CORO2B: variants seen among roughly 807,000 people sequenced by gnomAD.
CORO2B encodes coronin-2B.
In CORO2B, 26 loss-of-function variants were observed where a neutral mutation model predicts 58.8. The ratio of observed to expected loss-of-function variants is 0.44; its 90% confidence interval spans 0.32 to 0.61. The LOEUF (loss-of-function observed/expected upper bound fraction) is 0.61. Among genes scored for constraint, CORO2B ranks in the 20% least tolerant of loss-of-function variants. The probability of loss-of-function intolerance (pLI) is 0.04; values close to 1 mark genes in which losing one functional copy is unlikely to be tolerated. For synonymous variants in CORO2B, 242 were observed against 253.8 expected, an observed-to-expected ratio of 0.95 and a Z score of 0.44; for missense variants, 460 against 645.1, an observed-to-expected ratio of 0.71 and a Z score of 3.11.
chr15:68,635,451 G>A (rs1395503008), intron 1 of CORO2B, among the ~76,000 whole-genome samples: 1 of 152,194 alleles, frequency 6.6e-6, no homozygotes, highest in Non-Finnish European at 1.5e-5. Flanking sequence ...TTCTGCCACC[G>A]CCTGCCCAGA....
At chr15:68,561,118 C>G in the CORO2B span, among the ~76,000 whole-genome samples, 2 of 152,158 alleles carry the variant, frequency 1.3e-5, no homozygotes, top group African/African-American at 4.8e-5. Context: ...CTTTGCCTCT[C>G]AATACTGGTT....
At position 68,714,546 on chromosome 15, in the gene CORO2B, T is replaced by C; in HGVS notation, c.766-13T>C. On this transcript the variant is annotated splice_polypyrimidine_tract_variant and intron_variant, in intron 6 of 11. Coordinates refer to ENST00000261861, the MANE Select transcript of CORO2B (RefSeq NM_006091.5). ...TGCCTGCAGAGAGGCTGAGACCAGCTCTTCTCCCTCAGGAGGACCTCTCCA... is the reference window on the plus strand; with the variant it reads ...TGCCTGCAGAGAGGCTGAGACCAGCCCTTCTCCCTCAGGAGGACCTCTCCA... The C allele has an allele frequency of 6.2e-7, 1 of 1,607,408 alleles. No individual in the cohort carries two copies. Among genetic ancestry groups the C allele is most frequent in the Non-Finnish European group, 8.5e-7 (1 of 1,174,040 alleles).
intron 2 of CORO2B, among the ~76,000 whole-genome samples, chr15:68,672,435 C>T (rs1902434418): frequency 6.6e-6 from 1 of 151,816 alleles, no homozygotes; most frequent in Admixed American, 6.6e-5. Context: ...ATGTGCACCA[C>T]CATGCCTGGC....
the CORO2B span, among the ~76,000 whole-genome samples, chr15:68,570,483 C>T: frequency 0.055 from 8,344 of 152,242 alleles, 730 homozygotes; most frequent in African/African-American, 0.19. Flanking sequence ...AGGAAACTTC[C>T]GGGTGGTGAC....
chr15:68,664,623 A>G (rs1902128371), intron 2 of CORO2B, among the ~76,000 whole-genome samples: 1 of 152,094 alleles, frequency 6.6e-6, no homozygotes, highest in Non-Finnish European at 1.5e-5. Context: ...CTCCAGCCTG[A>G]GGGACAGAGC....
In CORO2B at chr15:68,644,670, G is replaced by A. The variant is rs529328503; in HGVS notation, c.16-490G>A. Among the ~76,000 whole-genome samples the A allele has an allele frequency of 2.1e-4, 32 of 152,234 alleles. No homozygotes were observed. In the East Asian group the frequency reaches 5.8e-3, roughly 28 times the overall value. Reference sequence around the variant, plus strand: ...ATCCGAGGGGATGACAGTGGATGGGGGGTTGCCTTCTTGCACGTGGAGAGA... The same window carrying A: ...ATCCGAGGGGATGACAGTGGATGGGAGGTTGCCTTCTTGCACGTGGAGAGA... On this transcript the variant is annotated intron_variant, in intron 1 of 11. Transcript: ENST00000261861.
the CORO2B span, among the ~76,000 whole-genome samples, chr15:68,544,155 A>C: frequency 2.0e-5 from 3 of 152,234 alleles, no homozygotes; most frequent in Non-Finnish European, 4.4e-5. Flanking sequence ...CTGATGGTCC[A>C]CTGTGGATCC....
chr15:68,708,211 A>G (rs1316169730), intron 3 of CORO2B, among the ~76,000 whole-genome samples: 2 of 152,186 alleles, frequency 1.3e-5, no homozygotes, highest in Non-Finnish European at 2.9e-5. Flanking sequence ...TGTGGGGGGA[A>G]CACACATGAG....
chr15:68,719,437 A>G lies in CORO2B; in HGVS notation c.1196A>G (p.Glu399Gly), dbSNP rs1481167501. 5 of 1,613,978 alleles carry G rather than the reference A, an allele frequency of 3.1e-6. No individual in the cohort carries two copies. In the Admixed American group the frequency reaches 5.0e-5, roughly 16 times the overall value. ...GATCCCGTGCTGATGTCTTTGAAAG[A>G]AGGCTATAAGAAGTCCTCAAAAATG... The part of the protein sequence containing the change: ...NRDPVLMSLK[E>G]GYKKSSKMVF... Residue 399 changes from glutamate (E) to glycine (G), a missense_variant, in exon 11 of 12, where the codon GAA becomes GGA. Physicochemically the swap from Glu to Gly is moderately conservative, Grantham distance 98. Transcript: ENST00000261861.
intron 2 of CORO2B, among the ~76,000 whole-genome samples, chr15:68,655,564 C>T (rs980185742): frequency 1.3e-5 from 2 of 152,288 alleles, no homozygotes; most frequent in East Asian, 3.9e-4. Context: ...ACCCTCTGGC[C>T]CCCTTCCCCA....
At chr15:68,578,892 G>C, upstream of CORO2B, 4 of 430,754 alleles carry the variant, frequency 9.3e-6, no homozygotes, top group South Asian at 3.9e-4. The surrounding 1 kb of genome is among the most constrained non-coding windows in gnomAD (Gnocchi z 4.2). Context: ...GGCGGGCTGC[G>C]CTTCCTCCTC....
intron 2 of CORO2B, among the ~76,000 whole-genome samples, chr15:68,665,859 T>G (rs944687871): frequency 6.6e-6 from 1 of 152,248 alleles, no homozygotes; most frequent in Admixed American, 6.5e-5. Context: ...GATACTATTT[T>G]ATCATTTGCA....
chr15:68,647,016 C>T (rs1901453829), intron 2 of CORO2B, among the ~76,000 whole-genome samples: 2 of 152,186 alleles, frequency 1.3e-5, no homozygotes, highest in South Asian at 2.1e-4. Context: ...TCAAACCTAT[C>T]GCCGGCACCC....
chr15:68,665,657 T>G (rs74020265), intron 2 of CORO2B, among the ~76,000 whole-genome samples: 4,969 of 152,110 alleles, frequency 0.033, 129 homozygotes, highest in African/African-American at 0.08. Context: ...CTTCTTCACA[T>G]AGCTCTTATT....
the CORO2B span, among the ~76,000 whole-genome samples, chr15:68,563,002 G>C: frequency 2.2e-3 from 329 of 148,994 alleles, 3 homozygotes; most frequent in Non-Finnish European, 3.3e-3. Flanking sequence ...AGAAAGAAAA[G>C]AAAACAAAAA....
the CORO2B span, among the ~76,000 whole-genome samples, chr15:68,559,117 G>T: frequency 6.6e-6 from 1 of 152,082 alleles, no homozygotes; most frequent in African/African-American, 2.4e-5. This position sits in a 1 kb window ranked among gnomAD's most constrained non-coding sequence, Gnocchi z 4.3. Context: ...GCTGGGCGTT[G>T]CCAGGAGAGC....
intron 1 of CORO2B, among the ~76,000 whole-genome samples, chr15:68,618,004 G>A (rs1243873887): frequency 6.6e-6 from 1 of 152,142 alleles, no homozygotes; most frequent in Non-Finnish European, 1.5e-5. Context: ...ACTAAGTGCT[G>A]GGGACAGAGT....
chr15:68,621,914 G>A (rs1900533766), intron 1 of CORO2B, among the ~76,000 whole-genome samples: 1 of 151,852 alleles, frequency 6.6e-6, no homozygotes, highest in African/African-American at 2.4e-5. Flanking sequence ...ATGCCACCAT[G>A]CCTGGCTAAT....
chr15:68,676,426 C>T (rs964167906), intron 2 of CORO2B, among the ~76,000 whole-genome samples: 1 of 152,214 alleles, frequency 6.6e-6, no homozygotes, highest in Non-Finnish European at 1.5e-5. Context: ...TCACCTTCCT[C>T]AGCTGTCAGG....
Sources: allele counts gnomAD v4.1 joint callset (sites outside exome capture counted in the v4.1 genomes callset), GRCh38; gene constraint gnomAD v4.1.1; non-coding constraint Gnocchi (gnomAD v3.1); transcripts MANE v1.5; gene names NCBI Gene and HGNC (gene_info 2026-07-23, HGNC 2026-07-21).